Variants in TM2D1 observed in about 807,000 individuals in gnomAD.
The protein encoded by TM2D1 is TM2 domain-containing protein 1.
A neutral mutation model predicts 28.4 loss-of-function variants in TM2D1; 15 were observed. The observed-to-expected ratio is 0.53, with a 90% CI of 0.35 to 0.81. The LOEUF (loss-of-function observed/expected upper bound fraction) is 0.81. TM2D1 is among the 40% of genes least tolerant of loss of function. The pLI, the probability that TM2D1 is intolerant of heterozygous loss-of-function variation, is 0.01. For synonymous variants in TM2D1, 93 were observed against 96.2 expected (o/e 0.97, Z 0.20); for missense variants, 236 against 254.9 (o/e 0.93, Z 0.50).
intron 5 of TM2D1, among the ~76,000 whole-genome samples, chr1:61,691,528 G>A (rs1355891768): frequency 6.8e-6 from 1 of 146,768 alleles, no homozygotes; most frequent in African/African-American, 2.5e-5. Context: ...TCCAGATTGT[G>A]TGAATGAGGA....
At chr1:61,691,932 A>AAAAAAAATATATATATATAT in intron 5 of TM2D1, among the ~76,000 whole-genome samples, 18 of 76,394 alleles carry the variant, frequency 2.4e-4, no homozygotes, top group Admixed American at 1.0e-3. Context: ...AAAAAAAAAA[A>AAAAAAAATATATATATATAT]ATATATATAT....
At chr1:61,691,520 C>T (rs1644324784) in intron 5 of TM2D1, among the ~76,000 whole-genome samples, 4 of 143,000 alleles carry the variant, frequency 2.8e-5, no homozygotes, top group African/African-American at 1.0e-4. Context: ...AAAAAAAGTC[C>T]AGATTGTGTG....
intron 3 of TM2D1, among the ~76,000 whole-genome samples, chr1:61,704,390 C>G (rs769935472): frequency 2.0e-5 from 3 of 152,034 alleles, no homozygotes; most frequent in Non-Finnish European, 2.9e-5. Flanking sequence ...GTGTTTTACA[C>G]TATAAGCCAA....
chr1:61,688,623 T>C (rs2148034842), intron 5 of TM2D1, among the ~76,000 whole-genome samples: 1 of 151,168 alleles, frequency 6.6e-6, no homozygotes. Flanking sequence ...CTCAGGAGGC[T>C]GAGGCAGAAG....
chr1:61,695,199 C>CAA (rs57587623), intron 4 of TM2D1, among the ~76,000 whole-genome samples: 1 of 146,162 alleles, frequency 6.8e-6, no homozygotes, highest in African/African-American at 2.5e-5. Flanking sequence ...ATTGTCATGC[C>CAA]AAAAAAAAAA....
intron 2 of TM2D1, among the ~76,000 whole-genome samples, chr1:61,720,561 G>A (rs1644556305): frequency 6.6e-6 from 1 of 151,892 alleles, no homozygotes; most frequent in African/African-American, 2.4e-5. Context: ...ACTTCTTGAG[G>A]GCAGGGATTA....
At chr1:61,684,071 G>GT (rs1449841508) in intron 5 of TM2D1, among the ~76,000 whole-genome samples, 1 of 152,152 alleles carries the variant, frequency 6.6e-6, no homozygotes, top group Non-Finnish European at 1.5e-5. Flanking sequence ...AGATGAGGTT[G>GT]TATCATTGAC....
intron 5 of TM2D1, among the ~76,000 whole-genome samples, chr1:61,685,387 A>G (rs1463991475): frequency 3.3e-5 from 5 of 152,248 alleles, no homozygotes; most frequent in Admixed American, 6.5e-5. Flanking sequence ...TAGAAAACTT[A>G]AATGTCAATT....
At position 61,725,023 on chromosome 1, in the gene TM2D1, C is replaced by T; in HGVS notation, c.98G>A (p.Trp33Ter). ...LWFVSVTTGPWGAVATSAGGE... is the reference protein window; with the variant it reads ...LWFVSVTTGP ...CCCGGCGGAGGTGGCAACAGCCCCC[C>T]AGGGTCCTGTAGTGACTGAGACGAA... is the stretch of plus-strand genomic sequence containing the variant. Residue 33 changes from tryptophan (W) to a stop codon, truncating the protein, a stop_gained, in exon 1 of 7, where the codon TGG becomes TAG. Transcript: ENST00000606498. LOFTEE classifies it high-confidence loss of function. The T allele has an allele frequency of 9.9e-6, 16 of 1,612,776 alleles. No homozygotes were observed. The highest frequency in any genetic ancestry group is 1.3e-5 in the African/African-American group (1 of 75,060).
intron 4 of TM2D1, chr1:61,699,151 T>A (rs1428561900): frequency 6.6e-6 from 1 of 152,158 alleles, no homozygotes; most frequent in Non-Finnish European, 1.5e-5. Flanking sequence ...TAGAGCAGCC[T>A]GTGCAACACG....
At chr1:61,720,751 A>G (rs12061053) in intron 2 of TM2D1, among the ~76,000 whole-genome samples, 6,286 of 152,208 alleles carry the variant, frequency 0.041, 437 homozygotes, top group African/African-American at 0.14. Context: ...TACTTTCTCA[A>G]TAAACAAATG....
chr1:61,712,969 C>G (rs2148060711), intron 2 of TM2D1, among the ~76,000 whole-genome samples: 1 of 151,934 alleles, frequency 6.6e-6, no homozygotes, highest in East Asian at 1.9e-4. Flanking sequence ...CACTTGAGGT[C>G]AGGTCACCTG....
chr1:61,714,119 T>A (rs1644499826), intron 2 of TM2D1, among the ~76,000 whole-genome samples: 1 of 146,602 alleles, frequency 6.8e-6, no homozygotes, highest in Admixed American at 6.8e-5. Context: ...ATGGTCTCGA[T>A]CTCCTGACCT....
rs1410236363 is a variant in TM2D1 at position 61,723,773 on chromosome 1, C to A, written c.178G>T (p.Asp60Tyr). Residue 60 changes from aspartate to tyrosine, a missense_variant, in exon 2 of 7, where the codon GAT (aspartate) becomes TAT (tyrosine). This residue lies in a region of TM2D1 where 167 missense variants were observed against 162.7 expected (regional missense o/e 1.03). Transcript: ENST00000606498. ...TGCGTAGCGTCATTTATTTTTGGATCTTTACAAATATATGTAAAAAAAAAA... is the reference window on the plus strand; with the variant it reads ...TGCGTAGCGTCATTTATTTTTGGATATTTACAAATATATGTAAAAAAAAAA... ...DLKVGQYICKDPKINDATQEP... is the reference protein window; with the variant it reads ...DLKVGQYICKYPKINDATQEP... The A allele has an allele frequency of 1.3e-6, 2 of 1,526,856 alleles. No individual in the cohort carries two copies. Among genetic ancestry groups the A allele is most frequent in the African/African-American group, 1.4e-5 (1 of 72,856 alleles). 94.6% of individuals were successfully genotyped at this position (1,526,856 alleles called of 1,614,324 possible). A position where few individuals can be genotyped will look rare whatever the true frequency, so the allele number is the denominator to read the frequency against.
intron 3 of TM2D1, among the ~76,000 whole-genome samples, chr1:61,701,310 CAAAAAAAAAAAAAAA>C (rs10587870): frequency 0.038 from 3,222 of 84,246 alleles, 168 homozygotes; most frequent in African/African-American, 0.13. Context: ...TAAATGTTAA[CAAAAAAAAAAAAAAA>C]AAAAAAAAAA....
chr1:61,683,392 T>G, intron 6 of TM2D1, 25 bp downstream of exon 6: 1 of 749,334 alleles, frequency 1.3e-6, no homozygotes, highest in Non-Finnish European at 2.0e-6. Flanking sequence ...CTATAAGATA[T>G]TACATATATA....
chr1:61,691,930 A>ATATATATATATATAT (rs1296438347), intron 5 of TM2D1, among the ~76,000 whole-genome samples: 1 of 47,544 alleles, frequency 2.1e-5, no homozygotes, highest in Non-Finnish European at 4.8e-5. Context: ...TTAAAAAAAA[A>ATATATATATATATAT]AAATATATAT....
chr1:61,699,668 G>C (rs1205012608), intron 4 of TM2D1: 2 of 152,252 alleles, frequency 1.3e-5, no homozygotes, highest in Non-Finnish European at 2.9e-5. Context: ...TAAGTCAACT[G>C]CATCAGTCCC....
At chr1:61,712,745 T>C (rs1188706375) in intron 2 of TM2D1, among the ~76,000 whole-genome samples, 1 of 151,860 alleles carries the variant, frequency 6.6e-6, no homozygotes, top group Non-Finnish European at 1.5e-5. Context: ...AAAATTAACA[T>C]GTTATAGCAC....
Sources: allele counts gnomAD v4.1 joint callset (sites outside exome capture counted in the v4.1 genomes callset), GRCh38; gene constraint gnomAD v4.1.1; regional missense constraint gnomAD v4.1.1; transcripts MANE v1.5; gene names NCBI Gene and HGNC (gene_info 2026-07-23, HGNC 2026-07-21).